The following ADAM32 variants were observed in gnomAD, a reference collection of about 807,000 sequenced individuals.
ADAM32 encodes the protein disintegrin and metalloproteinase domain-containing protein 32.
A neutral mutation model predicts 114.9 loss-of-function variants in ADAM32; 89 were observed. The observed-to-expected ratio is 0.77, with a 90% CI of 0.65 to 0.92. The LOEUF is 0.92. ADAM32 is among the 40% of genes least tolerant of loss of function. The pLI is 0.00. For synonymous variants in ADAM32, 285 were observed against 307.5 expected (o/e 0.93, Z 0.77); for missense variants, 870 against 932.8 (o/e 0.93, Z 0.88).
chr8:39,117,879 G>A (rs1342264244), intron 1 of ADAM32, among the ~76,000 whole-genome samples: 1 of 151,938 alleles, frequency 6.6e-6, no homozygotes, highest in African/African-American at 2.4e-5. Context: ...CATTTTGTGC[G>A]AGCTGCATAC....
intron 1 of ADAM32, among the ~76,000 whole-genome samples, chr8:39,117,642 A>C (rs1840432508): frequency 6.6e-6 from 1 of 151,944 alleles, no homozygotes; most frequent in African/African-American, 2.4e-5. Flanking sequence ...CTTATACATA[A>C]CATGATTTTC....
At position 39,275,850 on chromosome 8, in the gene ADAM32, C is replaced by G. The variant is rs1184740702; in HGVS notation, c.2263C>G (p.Gln755Glu). The G allele has an allele frequency of 1.3e-6, 2 of 1,560,948 alleles. No homozygotes were observed. The highest frequency in any genetic ancestry group is 3.8e-5 in the Admixed American group (2 of 52,752). The change falls in exon 22 of 25, where the codon CAA becomes GAA. Residue 755 changes from glutamine to glutamate, a missense_variant. Coordinates refer to ENST00000379907, the MANE Select transcript of ADAM32 (RefSeq NM_145004.7). ...TAGAACCAGATCAGAAAGCAGCAGT[C>G]AAGCTGATACTAGCAAGTAAGTGAA... ...ASQTRSESSS[Q>E]ADTSKSKSED...
intron 11 of ADAM32, among the ~76,000 whole-genome samples, chr8:39,201,916 A>C (rs1172407228): frequency 6.6e-6 from 1 of 152,146 alleles, no homozygotes; most frequent in African/African-American, 2.4e-5. Context: ...TTCTGTTTAT[A>C]TGCTGGATTA....
chr8:39,260,043 G>T (rs1394003352), intron 19 of ADAM32, among the ~76,000 whole-genome samples: 2 of 152,000 alleles, frequency 1.3e-5, no homozygotes, highest in African/African-American at 2.4e-5. Context: ...TTTCATTCTA[G>T]GTTCAATTAT....
intron 19 of ADAM32, 87 bp downstream of exon 19, chr8:39,257,430 C>T (rs73608630): frequency 0.24 from 345,351 of 1,433,272 alleles, 41,713 homozygotes; most frequent in East Asian, 0.27. Context: ...AGTAGCAATA[C>T]TTTACATATC....
At position 39,155,441 on chromosome 8, in the gene ADAM32, C is replaced by T. The variant is rs1023628786; in HGVS notation, c.525+3893C>T. On this transcript the variant is annotated intron_variant, in intron 6 of 24. Transcript: ENST00000379907. The stretch of plus-strand genomic sequence containing the variant: ...CTACCTTTATGTGACAATAGCATGA[C>T]ATTGAGAGAGGCCAAACATGTGAGG... Among the ~76,000 whole-genome samples the T allele has an allele frequency of 9.2e-5, 14 of 152,324 alleles. 1 individual carries two copies. The highest frequency in any genetic ancestry group is 3.1e-4 in the African/African-American group (13 of 41,584).
At chr8:39,182,115 G>C (rs1461407797) in intron 10 of ADAM32, among the ~76,000 whole-genome samples, 1 of 152,166 alleles carries the variant, frequency 6.6e-6, no homozygotes, top group Non-Finnish European at 1.5e-5. Flanking sequence ...TGCAGTGATA[G>C]ACCAATAGAC....
In ADAM32 at chr8:39,165,124, T is replaced by C. The variant is rs761122496; in HGVS notation, c.761T>C (p.Leu254Ser). Residue 254 changes from leucine (L) to serine (S), a missense_variant, in exon 9 of 25, where the codon TTA (leucine) becomes TCA (serine). By Grantham distance (145) the Leu-to-Ser change is moderately radical. Coordinates refer to ENST00000379907, the MANE Select transcript of ADAM32 (RefSeq NM_145004.7). ...KISTVGEADE[L>S]LQKFLEWKQS... ...TCTACAGTTGGTGAGGCAGATGAATTATTGCAAAAATTTTTAGAATGGAAA... is the reference window on the plus strand; with the variant it reads ...TCTACAGTTGGTGAGGCAGATGAATCATTGCAAAAATTTTTAGAATGGAAA... 3.7e-6 allele frequency: 6 copies of C among 1,607,590 alleles called. No individual in the cohort carries two copies. Among genetic ancestry groups the C allele is most frequent in the Non-Finnish European group, 5.1e-6 (6 of 1,175,382 alleles).
chr8:39,194,309 G>A (rs1472191088), intron 11 of ADAM32, among the ~76,000 whole-genome samples: 3 of 152,098 alleles, frequency 2.0e-5, no homozygotes, highest in Non-Finnish European at 4.4e-5. Flanking sequence ...CAAGGGTGGG[G>A]CTCATGGGCT....
At chr8:39,250,572 G>T (rs755932100) in intron 17 of ADAM32, among the ~76,000 whole-genome samples, 8 of 151,764 alleles carry the variant, frequency 5.3e-5, no homozygotes, top group Admixed American at 2.6e-4. Context: ...GGCAATAGTT[G>T]TACCTGTTGT....
chr8:39,259,060 C>T (rs979755081), intron 19 of ADAM32, among the ~76,000 whole-genome samples: 1 of 152,002 alleles, frequency 6.6e-6, no homozygotes, highest in Non-Finnish European at 1.5e-5. Flanking sequence ...ATATGAAATG[C>T]ACTAATGGAG....
chr8:39,187,035 C>T lies in ADAM32; in HGVS notation c.1042C>T (p.Pro348Ser), dbSNP rs1806287149. The T allele has an allele frequency of 6.2e-7, 1 of 1,604,152 alleles. No individual in the cohort carries two copies. ...TTCAGAATCCACCTGTATAATGAAT[C>T]CAGAAGTTGTGTAAGTTTTAACAAT... is the stretch of plus-strand genomic sequence containing the variant. The part of the protein sequence containing the change: ...QCSESTCIMN[P>S]EVVQSNGVKT... The change falls in exon 11 of 25, where the codon CCA becomes TCA. Residue 348 changes from proline to serine, a missense_variant. Pro to Ser is a moderately conservative substitution (Grantham distance 74). Transcript: ENST00000379907.
Position 39,257,157 on chromosome 8 carries a change from GTTT to G in ADAM32, c.2006-19_2006-17del, listed in dbSNP as rs200807312. On this transcript the variant is annotated intron_variant, in intron 18 of 24. Transcript: ENST00000379907. The stretch of plus-strand genomic sequence containing the variant: ...TAAAAGTAGATAGTTTAATTTTTTT[GTTT>G]TTTTTTTTTTGTATTTCTGTTTTTA... 5.9e-5 allele frequency: 76 copies of G among 1,284,394 alleles called. No individual in the cohort carries two copies. In the South Asian group the frequency reaches 7.9e-4, roughly 13 times the overall value. 79.6% of individuals were successfully genotyped at this position (1,284,394 alleles called of 1,614,324 possible).
chr8:39,144,663 A>AG (rs1554599946), intron 3 of ADAM32, among the ~76,000 whole-genome samples: 1 of 2,126 alleles, frequency 4.7e-4, no homozygotes, highest in African/African-American at 5.2e-4. Flanking sequence ...ACCTTAACAC[A>AG]AAAATGTCAT....
rs533799600 is a variant in ADAM32 at position 39,243,259 on chromosome 8, A to G, written c.1819-2824A>G. Among the ~76,000 whole-genome samples the G allele has an allele frequency of 1.3e-3, 192 of 152,334 alleles. 5 individuals carry two copies. In the South Asian group the frequency reaches 0.038, roughly 30 times the overall value. On this transcript the variant is annotated intron_variant, in intron 16 of 24. Transcript: ENST00000379907. ...AAAATATTTCAAAAGATAGAGAAAG[A>G]GGGAATTTTTCCTAAATTGTTCTAT...
chr8:39,253,946 CA>C (rs1467127425), intron 17 of ADAM32, among the ~76,000 whole-genome samples: 1 of 151,112 alleles, frequency 6.6e-6, no homozygotes, highest in Admixed American at 6.6e-5. Context: ...TAATTAGAAG[CA>C]ATTTTTAAAA....
At chr8:39,156,278 G>C (rs1031374276) in intron 6 of ADAM32, among the ~76,000 whole-genome samples, 5 of 152,054 alleles carry the variant, frequency 3.3e-5, no homozygotes, top group African/African-American at 1.2e-4. Context: ...CTCCCAATTA[G>C]CTGGGACCAC....
chr8:39,166,336 C>T (rs1804835198), intron 9 of ADAM32: 1 of 152,208 alleles, frequency 6.6e-6, no homozygotes, highest in Non-Finnish European at 1.5e-5. Context: ...GAATAATAGT[C>T]TCCAATCTCA....
chr8:39,278,641 T>G (rs970787755), intron 22 of ADAM32, among the ~76,000 whole-genome samples: 41 of 151,544 alleles, frequency 2.7e-4, no homozygotes, highest in African/African-American at 9.9e-4. Flanking sequence ...CCTCCATTAT[T>G]ATTATTATTA....
Sources: allele counts gnomAD v4.1 joint callset (sites outside exome capture counted in the v4.1 genomes callset), GRCh38; gene constraint gnomAD v4.1.1; transcripts MANE v1.5; gene names NCBI Gene and HGNC (gene_info 2026-07-23, HGNC 2026-07-21).